SLC25A48: variants seen among roughly 807,000 people sequenced by gnomAD.
SLC25A48 encodes the protein CTC-321K16.1.
A neutral mutation model predicts 32.2 loss-of-function variants in SLC25A48; 29 were observed. The observed-to-expected ratio is 0.90, with a 90% CI of 0.67 to 1.23. The LOEUF is 1.23. Ranked by LOEUF, SLC25A48 falls within the 50% of genes most tolerant of loss-of-function variation. SLC25A48 has a pLI of 0.00. For synonymous variants in SLC25A48, 164 were observed against 172.3 expected (o/e 0.95, Z 0.38); for missense variants, 399 against 422.7 (o/e 0.94, Z 0.49).
chr5:135,770,081 T>C (rs1756364293), intron 3 of SLC25A48, among the ~76,000 whole-genome samples: 6 of 121,810 alleles, frequency 4.9e-5, no homozygotes, highest in Admixed American at 4.9e-4. Context: ...TTTTTCCTAA[T>C]AGCCGGGGGG....
intron 5 of SLC25A48, among the ~76,000 whole-genome samples, chr5:135,873,598 C>A (rs921578007): frequency 6.6e-6 from 1 of 152,186 alleles, no homozygotes; most frequent in Non-Finnish European, 1.5e-5. Flanking sequence ...TCATGCCTCA[C>A]CCTGGGCTCT....
intron 3 of SLC25A48, among the ~76,000 whole-genome samples, chr5:135,774,345 G>T (rs1031380714): frequency 2.0e-5 from 3 of 151,380 alleles, no homozygotes; most frequent in African/African-American, 7.3e-5. Flanking sequence ...CTCCCAATAT[G>T]TCGGGTGGTG....
chr5:135,759,068 A>G (rs989691149), intron 3 of SLC25A48, among the ~76,000 whole-genome samples: 1 of 151,986 alleles, frequency 6.6e-6, no homozygotes, highest in African/African-American at 2.4e-5. Context: ...CATCTATGCT[A>G]TGAATAATAT....
intron 4 of SLC25A48, among the ~76,000 whole-genome samples, chr5:135,829,161 C>T (rs1758141257): frequency 6.6e-6 from 1 of 152,240 alleles, no homozygotes; most frequent in Admixed American, 6.5e-5. Flanking sequence ...TCCCCAAACA[C>T]TGGCTCTTCT....
intron 1 of SLC25A48, among the ~76,000 whole-genome samples, chr5:135,592,671 T>C (rs1417441428): frequency 6.6e-6 from 1 of 151,454 alleles, no homozygotes; most frequent in Non-Finnish European, 1.5e-5. Context: ...GAGAGAGAGA[T>C]TGAGAGAGAG....
chr5:135,663,463 C>T (rs1314471319), intron 3 of SLC25A48, among the ~76,000 whole-genome samples: 2 of 152,180 alleles, frequency 1.3e-5, no homozygotes, highest in African/African-American at 4.8e-5. Context: ...AAGGTCCAAC[C>T]CCTGGGGGAC....
chr5:135,625,198 G>A (rs1233786059), intron 1 of SLC25A48, among the ~76,000 whole-genome samples: 1 of 152,164 alleles, frequency 6.6e-6, no homozygotes, highest in African/African-American at 2.4e-5. Context: ...GGTTAACCTG[G>A]TCCCTGAAGG....
intron 3 of SLC25A48, among the ~76,000 whole-genome samples, chr5:135,742,872 G>C (rs1755530051): frequency 6.8e-6 from 1 of 147,752 alleles, no homozygotes; most frequent in Non-Finnish European, 1.5e-5. Flanking sequence ...TGTATTCCCA[G>C]CTCCAGAAGA....
chr5:135,846,861 A>C (rs1451279974), intron 2 of SLC25A48, among the ~76,000 whole-genome samples: 2 of 152,234 alleles, frequency 1.3e-5, no homozygotes, highest in African/African-American at 4.8e-5. Flanking sequence ...TACAAAATAT[A>C]ACCTCATGTT....
At chr5:135,702,738 G>T (rs541228538) in intron 3 of SLC25A48, among the ~76,000 whole-genome samples, 27 of 152,214 alleles carry the variant, frequency 1.8e-4, no homozygotes, top group Non-Finnish European at 3.7e-4. Context: ...CCAAAGCCAG[G>T]AAGCCTGTAC....
rs575841750 is a variant in SLC25A48, at chr5:135,640,988, CAT to C, written c.-521+6035_-521+6036del. ...TTCTATTCAACATTTCGTTGGAAGT[CAT>C]ATGCACTGAAATGGAGCAAGAAGAA... On this transcript the variant is annotated intron_variant, in intron 3 of 10. Coordinates refer to the SLC25A48 transcript ENST00000646290. Among the ~76,000 whole-genome samples, 12 of 152,240 alleles carry C rather than the reference CAT, an allele frequency of 7.9e-5. No individual in the cohort carries two copies. In the South Asian group the frequency reaches 2.5e-3, roughly 32 times the overall value.
At chr5:135,754,170 T>A (rs1013854006) in intron 3 of SLC25A48, among the ~76,000 whole-genome samples, 3 of 152,042 alleles carry the variant, frequency 2.0e-5, no homozygotes, top group African/African-American at 7.2e-5. Flanking sequence ...ACAGTAGCAG[T>A]CATATCTCGA....
At chr5:135,592,869 G>A (rs1291979635) in intron 1 of SLC25A48, among the ~76,000 whole-genome samples, 5 of 152,210 alleles carry the variant, frequency 3.3e-5, no homozygotes, top group Non-Finnish European at 1.5e-5. Flanking sequence ...AATGCCTTAA[G>A]GCAGAACTCT....
At chr5:135,766,754 C>A (rs1210749594) in intron 3 of SLC25A48, among the ~76,000 whole-genome samples, 1 of 151,462 alleles carries the variant, frequency 6.6e-6, no homozygotes, top group Non-Finnish European at 1.5e-5. Flanking sequence ...AGTGTATACA[C>A]CCCTGTGATA....
intron 3 of SLC25A48, among the ~76,000 whole-genome samples, chr5:135,761,310 C>T (rs755001647): frequency 1.3e-5 from 2 of 152,014 alleles, no homozygotes; most frequent in African/African-American, 2.4e-5. Context: ...AAGACCCAAC[C>T]GCATGGGGGA....
At chr5:135,811,827 A>T (rs553319991) in intron 3 of SLC25A48, among the ~76,000 whole-genome samples, 5 of 152,340 alleles carry the variant, frequency 3.3e-5, no homozygotes, top group Non-Finnish European at 5.9e-5. Flanking sequence ...CATGCCTATA[A>T]GCTCAGCACT....
At chr5:135,788,751 C>T (rs62364675) in intron 3 of SLC25A48, among the ~76,000 whole-genome samples, 38,115 of 146,334 alleles carry the variant, frequency 0.26, 5,058 homozygotes, top group East Asian at 0.44. Flanking sequence ...CCCTGCCATA[C>T]GATCCGTAAT....
intron 3 of SLC25A48, among the ~76,000 whole-genome samples, chr5:135,651,769 G>T (rs1456175054): frequency 6.6e-6 from 1 of 152,162 alleles, no homozygotes; most frequent in Non-Finnish European, 1.5e-5. Flanking sequence ...GAGTGCATTT[G>T]CTTGTCCACT....
intron 3 of SLC25A48, among the ~76,000 whole-genome samples, chr5:135,788,153 T>C (rs1756900252): frequency 6.6e-6 from 1 of 151,572 alleles, no homozygotes; most frequent in South Asian, 2.1e-4. Flanking sequence ...ATATGGTCCG[T>C]AATGTCCGGG....
Sources: gnomAD v4.1 joint callset for allele counts (sites outside exome capture counted in the v4.1 genomes callset) on GRCh38, gnomAD v4.1.1 for gene constraint, MANE v1.5 for transcripts, NCBI Gene and HGNC (gene_info 2026-07-23, HGNC 2026-07-21) for gene names.